Variants in EFCAB8 observed in about 807,000 individuals in gnomAD.
The protein encoded by EFCAB8 is EF-hand calcium-binding domain-containing protein 8.
EFCAB8 carries 100 observed loss-of-function variants against 116.3 expected under a neutral mutation model. The observed-to-expected ratio is 0.86, with a 90% CI of 0.73 to 1.02. The LOEUF is 1.02. Ranked by LOEUF, EFCAB8 falls within the 50% of genes least tolerant of loss-of-function variation. The pLI is 0.00. For synonymous variants in EFCAB8, 558 were observed against 567.9 expected, an observed-to-expected ratio of 0.98 and a Z score of 0.25; for missense variants, 1,320 against 1,416.9, an observed-to-expected ratio of 0.93 and a Z score of 1.10.
At chr20:32,885,364 T>C (rs1985561890) in intron 5 of EFCAB8, 141 bp from the exon 6 acceptor site, 17 of 1,131,784 alleles carry the variant, frequency 1.5e-5, no homozygotes, top group South Asian at 7.9e-5. Flanking sequence ...TATGGGTTTA[T>C]GGCGTGCGCA....
At chr20:32,949,433 G>A (rs1300209715) in intron 23 of EFCAB8, among the ~76,000 whole-genome samples, 2 of 152,106 alleles carry the variant, frequency 1.3e-5, no homozygotes, top group African/African-American at 2.4e-5. Flanking sequence ...AATTTATTTA[G>A]GCCAGTCAAA....
chr20:32,930,652 T>G (rs1167040345), intron 21 of EFCAB8, 36 bp downstream of exon 21: 2 of 1,541,416 alleles, frequency 1.3e-6, no homozygotes, highest in Non-Finnish European at 1.8e-6. Context: ...GAGGGGCTGG[T>G]GCCAGCTAAG....
intron 23 of EFCAB8, among the ~76,000 whole-genome samples, chr20:32,956,418 T>G (rs1988965351): frequency 6.6e-6 from 1 of 152,186 alleles, no homozygotes; most frequent in Non-Finnish European, 1.5e-5. Context: ...TTCCTATTTC[T>G]TATAGTGTTA....
intron 2 of EFCAB8, among the ~76,000 whole-genome samples, chr20:32,864,934 AACC>A (rs1984313021): frequency 6.6e-6 from 1 of 152,224 alleles, no homozygotes; most frequent in Non-Finnish European, 1.5e-5. Context: ...TTTAGGTCTC[AACC>A]ACAGCCCTGC....
intron 11 of EFCAB8, among the ~76,000 whole-genome samples, chr20:32,901,280 T>G (rs1304682745): frequency 6.6e-6 from 1 of 152,214 alleles, no homozygotes; most frequent in Non-Finnish European, 1.5e-5. Flanking sequence ...AGAATTGTCT[T>G]GAGTCACACA....
rs1332131766 is a variant in EFCAB8, at chr20:32,889,349, A to C, written c.616A>C (p.Met206Leu). 4.5e-6 allele frequency: 7 copies of C among 1,551,688 alleles called. No homozygotes were observed. The highest frequency in any genetic ancestry group is 6.1e-6 in the Non-Finnish European group (7 of 1,147,020). ...CAACCAGCCGATGTGGGTCATTGACATGGTATGTCTGCACAATATGAACCT... is the reference window on the plus strand; with the variant it reads ...CAACCAGCCGATGTGGGTCATTGACCTGGTATGTCTGCACAATATGAACCT... ...LYNQPMWVIDMVCLHNMNLVA... is the reference protein window; with the variant it reads ...LYNQPMWVIDLVCLHNMNLVA... Residue 206 changes from methionine to leucine, a missense_variant, in exon 7 of 27, where the codon ATG becomes CTG. Coordinates refer to ENST00000400522, the MANE Select transcript of EFCAB8 (RefSeq NM_001143967.2).
chr20:32,938,898 C>T (rs1343660665), intron 22 of EFCAB8, among the ~76,000 whole-genome samples: 1 of 149,376 alleles, frequency 6.7e-6, no homozygotes, highest in African/African-American at 2.5e-5. Flanking sequence ...TTTCTCTTCT[C>T]TTTTCTCTTC....
chr20:32,943,671 C>G lies in EFCAB8; in HGVS notation c.2826C>G (p.Pro942=). ...VAGHTISLVP[P]TLLMTWKGHL... is the part of the protein sequence containing the mutation. Reference sequence around the variant, plus strand: ...GCCATACCATTTCCCTGGTTCCCCCCACGCTCCTGATGACCTGGAAAGGCC... The same window carrying G: ...GCCATACCATTTCCCTGGTTCCCCCGACGCTCCTGATGACCTGGAAAGGCC... The change falls in exon 23 of 27, where the codon CCC becomes CCG. Residue 942 remains proline, a synonymous_variant. Transcript: ENST00000400522. The G allele has an allele frequency of 2.4e-6, 1 of 417,216 alleles. No individual in the cohort carries two copies. 25.8% of individuals were successfully genotyped at this position (417,216 alleles called of 1,614,324 possible).
chr20:32,893,410 T>C, intron 9 of EFCAB8, 112 bp downstream of exon 9: 2 of 1,444,594 alleles, frequency 1.4e-6, no homozygotes, highest in East Asian at 2.5e-5. Context: ...CTGGAGTCTC[T>C]GGGAAGGCGT....
At chr20:32,908,834 C>T (rs904751260) in intron 14 of EFCAB8, among the ~76,000 whole-genome samples, 8 of 152,214 alleles carry the variant, frequency 5.3e-5, no homozygotes, top group East Asian at 3.8e-4. Flanking sequence ...GGGCCACGTC[C>T]GAGCAGCATC....
Position 32,956,114 on chromosome 20 carries a change from G to A in EFCAB8, c.2960-2307G>A, listed in dbSNP as rs146213316. On this transcript the variant is annotated intron_variant, in intron 23 of 26. Transcript: ENST00000400522. The stretch of plus-strand genomic sequence containing the variant: ...AAAAAATTGTTGTTTTATGTCCTCT[G>A]CTCTTTAAATGGTATCTTTTGTATT... Among the ~76,000 whole-genome samples the A allele has an allele frequency of 7.9e-5, 12 of 151,910 alleles. No individual in the cohort carries two copies. In the East Asian group the frequency reaches 2.3e-3, roughly 29 times the overall value.
chr20:32,929,506 T>TG (rs1315722478), intron 20 of EFCAB8, among the ~76,000 whole-genome samples: 15 of 146,606 alleles, frequency 1.0e-4, no homozygotes, highest in Middle Eastern at 3.5e-3. Flanking sequence ...CCTTCTGTTT[T>TG]TTTTTTTTTT....
chr20:32,864,164 A>G (rs1415589189), intron 2 of EFCAB8, among the ~76,000 whole-genome samples: 2 of 151,792 alleles, frequency 1.3e-5, no homozygotes, highest in South Asian at 2.1e-4. Flanking sequence ...TTTAGTAGAG[A>G]TGGGGTTTTA....
chr20:32,911,735 G>T, intron 16 of EFCAB8, 28 bp downstream of exon 16: 1 of 1,548,590 alleles, frequency 6.5e-7, no homozygotes, highest in South Asian at 1.2e-5. Flanking sequence ...ATTACAGCCA[G>T]GGACGGCCTC....
chr20:32,869,831 A>G (rs1169483369), intron 3 of EFCAB8, among the ~76,000 whole-genome samples: 1 of 152,204 alleles, frequency 6.6e-6, no homozygotes, highest in Non-Finnish European at 1.5e-5. Flanking sequence ...ATATTGCTAC[A>G]TAATCTTCCA....
intron 22 of EFCAB8, among the ~76,000 whole-genome samples, chr20:32,939,137 T>C (rs1287676884): frequency 3.7e-5 from 1 of 27,070 alleles, no homozygotes; most frequent in Non-Finnish European, 7.0e-5. Context: ...CTTTCTTTCT[T>C]TCTTTCTTTC....
chr20:32,867,215 C>A (rs927104776), intron 2 of EFCAB8, among the ~76,000 whole-genome samples: 3 of 152,088 alleles, frequency 2.0e-5, no homozygotes, highest in African/African-American at 7.2e-5. Flanking sequence ...CCACCATGCC[C>A]AGCCCCCTGG....
chr20:32,928,668 T>A (rs752034918), intron 20 of EFCAB8, among the ~76,000 whole-genome samples: 8 of 152,216 alleles, frequency 5.3e-5, no homozygotes, highest in Non-Finnish European at 1.2e-4. Flanking sequence ...ACTTATAATT[T>A]TACTTCTTTC....
At chr20:32,893,893 G>A (rs1252031554) in intron 9 of EFCAB8, among the ~76,000 whole-genome samples, 1 of 152,170 alleles carries the variant, frequency 6.6e-6, no homozygotes, top group East Asian at 1.9e-4. Context: ...CATAATAAGA[G>A]GCAGAAAGGG....
Sources: gnomAD v4.1 joint callset for allele counts (sites outside exome capture counted in the v4.1 genomes callset) on GRCh38, gnomAD v4.1.1 for gene constraint, MANE v1.5 for transcripts, NCBI Gene and HGNC (gene_info 2026-07-23, HGNC 2026-07-21) for gene names.